CDC42BPA: variants seen among roughly 807,000 people sequenced by gnomAD.
CDC42BPA encodes CDC42 binding protein kinase alpha.
A neutral mutation model predicts 223.5 loss-of-function variants in CDC42BPA; 80 were observed. The ratio of observed to expected loss-of-function variants is 0.36; its 90% confidence interval spans 0.30 to 0.43. The LOEUF (loss-of-function observed/expected upper bound fraction) is 0.43, where lower values mean the gene tolerates loss of function less well. Ranked by LOEUF, CDC42BPA falls within the 20% of genes least tolerant of loss-of-function variation. The pLI is 1.00. For missense variants in CDC42BPA, 1,743 were observed against 2,099.9 expected (o/e 0.83, Z 3.32); for synonymous variants, 694 against 718.6 (o/e 0.97, Z 0.55).
chr1:227,028,916 A>G lies in CDC42BPA; in HGVS notation c.4173T>C (p.Ser1391=), dbSNP rs1668744441. The G allele has an allele frequency of 4.3e-6, 7 of 1,614,118 alleles. No homozygotes were observed. The East Asian group carries it at 6.7e-5, about 15-fold the overall frequency. ...ACTGGAATCCCACACAGAGTTGTTC[A>G]CTGAAGATTGCCATCCACTGGACAT... ...PYNVQWMAIF[S]EQLCVGFQSG... is the part of the protein sequence containing the mutation. Residue 1391 remains serine (S), a synonymous_variant, in exon 30 of 37, where the codon AGT becomes AGC. Coordinates refer to ENST00000366766, the MANE Select transcript of CDC42BPA (RefSeq NM_001394014.1).
intron 2 of CDC42BPA, among the ~76,000 whole-genome samples, chr1:227,232,024 T>C (rs909403999): frequency 1.2e-4 from 18 of 152,222 alleles, no homozygotes; most frequent in Non-Finnish European, 1.9e-4. Context: ...TTTGTTGCCA[T>C]TGCTTTTCGT....
At chr1:227,020,156 A>G (rs1667109438) in intron 32 of CDC42BPA, among the ~76,000 whole-genome samples, 1 of 152,188 alleles carries the variant, frequency 6.6e-6, no homozygotes, top group Admixed American at 6.5e-5. Context: ...TCAGCCTCCC[A>G]AAGTGCTGGG....
intron 2 of CDC42BPA, among the ~76,000 whole-genome samples, chr1:227,238,038 C>CAA (rs35731369): frequency 0.044 from 4,015 of 90,932 alleles, 129 homozygotes; most frequent in South Asian, 0.06. Context: ...AACTCTGTCT[C>CAA]AAAAAAAAAA....
chr1:227,220,770 T>G (rs977538568), intron 2 of CDC42BPA, among the ~76,000 whole-genome samples: 5 of 152,184 alleles, frequency 3.3e-5, no homozygotes, highest in African/African-American at 1.2e-4. Context: ...CTTCCCTTCC[T>G]GTCCTTATTC....
chr1:227,184,892 A>T (rs1156611239), intron 5 of CDC42BPA, among the ~76,000 whole-genome samples: 1 of 152,202 alleles, frequency 6.6e-6, no homozygotes, highest in African/African-American at 2.4e-5. Context: ...AATATGCACC[A>T]GTATTATTAG....
intron 16 of CDC42BPA, among the ~76,000 whole-genome samples, chr1:227,089,437 T>A (rs1682628315): frequency 5.3e-5 from 8 of 152,140 alleles, no homozygotes. Context: ...ATGCAAAAAT[T>A]GAACAAAAGT....
Position 227,017,070 on chromosome 1 carries a change from A to C in CDC42BPA, c.4616-20T>G. The C allele has an allele frequency of 6.2e-7, 1 of 1,602,250 alleles. No individual in the cohort carries two copies. Among genetic ancestry groups the C allele is most frequent in the Non-Finnish European group, 8.5e-7 (1 of 1,174,010 alleles). ...CCCCTTCTGTTAAAATAAAAATACA[A>C]ACGATAATGATGTTCTTTAAACTGT... On this transcript the variant is annotated intron_variant, in intron 32 of 36. Coordinates refer to ENST00000366766, the MANE Select transcript of CDC42BPA (RefSeq NM_001394014.1).
chr1:227,193,979 T>C (rs1420137827), intron 4 of CDC42BPA, 45 bp from the exon 5 acceptor site: 3 of 1,419,954 alleles, frequency 2.1e-6, no homozygotes, highest in Non-Finnish European at 2.9e-6. Flanking sequence ...CTAATAAGGG[T>C]GAAAAATCAA....
chr1:227,136,035 A>G (rs1658499836), intron 10 of CDC42BPA, among the ~76,000 whole-genome samples: 1 of 151,556 alleles, frequency 6.6e-6, no homozygotes, highest in Non-Finnish European at 1.5e-5. Context: ...ACATTTGGAA[A>G]AGCAGAAAAG....
At chr1:227,137,871 G>T (rs754234036) in intron 10 of CDC42BPA, among the ~76,000 whole-genome samples, 10 of 152,034 alleles carry the variant, frequency 6.6e-5, no homozygotes, top group Non-Finnish European at 1.2e-4. Flanking sequence ...TTACAAACTG[G>T]GAAGGGACAT....
At chr1:227,182,221 A>C (rs1477396533) in intron 5 of CDC42BPA, among the ~76,000 whole-genome samples, 1 of 152,150 alleles carries the variant, frequency 6.6e-6, no homozygotes, top group East Asian at 1.9e-4. Context: ...AAGTGAATTC[A>C]TCTTATCCCA....
chr1:227,142,893 C>T (rs1571939083), intron 9 of CDC42BPA, 52 bp downstream of exon 9: 20 of 1,249,974 alleles, frequency 1.6e-5, no homozygotes, highest in Non-Finnish European at 2.0e-5. Flanking sequence ...GTTGGGATTA[C>T]AGGCGTGAGC....
At position 227,294,618 on chromosome 1, in the gene CDC42BPA, TGGGAGGCCGAGGCGGGCGG is replaced by T. The variant is rs1209040836; in HGVS notation, c.178+22368_178+22386del. ...GCTCACGCCTGTAATCCCAGCACTT[TGGGAGGCCGAGGCGGGCGG>T]ATCACGAGGTCAGGAGATCGAGACC... On this transcript the variant is annotated intron_variant, in intron 1 of 36. Transcript: ENST00000366766. Among the ~76,000 whole-genome samples the T allele has an allele frequency of 1.2e-3, 90 of 73,254 alleles. 11 individuals carry two copies. The highest frequency in any genetic ancestry group is 1.3e-3 in the Non-Finnish European group (45 of 35,064). 48.1% of individuals were successfully genotyped at this position (73,254 alleles called of 152,430 possible).
At chr1:227,154,009 T>C (rs1662270852) in intron 6 of CDC42BPA, among the ~76,000 whole-genome samples, 1 of 151,868 alleles carries the variant, frequency 6.6e-6, no homozygotes, top group East Asian at 1.9e-4. Context: ...CATGTATGAA[T>C]GCCAGGTAAC....
intron 2 of CDC42BPA, among the ~76,000 whole-genome samples, chr1:227,238,038 CAAAAAAAAAAAA>C (rs35731369): frequency 2.2e-5 from 2 of 91,302 alleles, no homozygotes; most frequent in African/African-American, 9.3e-5. Context: ...AACTCTGTCT[CAAAAAAAAAAAA>C]AAAAAAAAAG....
At chr1:227,272,159 T>C (rs1686063758) in intron 1 of CDC42BPA, among the ~76,000 whole-genome samples, 1 of 152,172 alleles carries the variant, frequency 6.6e-6, no homozygotes, top group African/African-American at 2.4e-5. Context: ...TAAGGTCACC[T>C]ATAAGAATAA....
chr1:227,253,536 T>C (rs560818180), intron 2 of CDC42BPA, among the ~76,000 whole-genome samples: 4 of 151,936 alleles, frequency 2.6e-5, no homozygotes, highest in East Asian at 1.9e-4. Context: ...GTGGAGGTTG[T>C]AGTGAGCCAA....
intron 3 of CDC42BPA, among the ~76,000 whole-genome samples, chr1:227,210,716 T>C (rs1385877535): frequency 6.6e-6 from 1 of 152,206 alleles, no homozygotes; most frequent in Non-Finnish European, 1.5e-5. Context: ...AACAGTAAAC[T>C]GACTACAGTT....
chr1:227,177,029 C>A (rs1572155194), intron 5 of CDC42BPA, among the ~76,000 whole-genome samples: 2 of 150,650 alleles, frequency 1.3e-5, no homozygotes, highest in East Asian at 3.9e-4. Flanking sequence ...TATGCCCTAC[C>A]TCTCTCGATT....
Sources: gnomAD v4.1 joint callset for allele counts (sites outside exome capture counted in the v4.1 genomes callset) on GRCh38, gnomAD v4.1.1 for gene constraint, MANE v1.5 for transcripts, NCBI Gene and HGNC (gene_info 2026-07-23, HGNC 2026-07-21) for gene names.